Variants in LNX2 observed in about 807,000 individuals in gnomAD.
The protein encoded by LNX2 is ligand of Numb protein X 2.
Under a neutral mutation model 66.2 loss-of-function variants are expected in LNX2, and 35 were observed. The ratio of observed to expected loss-of-function variants is 0.53; its 90% confidence interval spans 0.40 to 0.70. The LOEUF is 0.70. Among genes scored for constraint, LNX2 ranks in the 30% least tolerant of loss-of-function variants. The probability of loss-of-function intolerance (pLI) is 0.00; values close to 1 mark genes in which losing one functional copy is unlikely to be tolerated. For missense variants in LNX2, 791 were observed against 850.8 expected (o/e 0.93, Z 0.87); for synonymous variants, 337 against 315.6 (o/e 1.07, Z -0.72).
intron 6 of LNX2, 102 bp downstream of exon 6, chr13:27,559,740 T>C: frequency 3.5e-6 from 4 of 1,159,044 alleles, no homozygotes; most frequent in Non-Finnish European, 4.7e-6. Flanking sequence ...AAAACTGCTT[T>C]ATTGAGGTGT....
At chr13:27,576,628 G>C (rs1021529118) in intron 2 of LNX2, among the ~76,000 whole-genome samples, 1 of 151,898 alleles carries the variant, frequency 6.6e-6, no homozygotes, top group South Asian at 2.1e-4. Context: ...CGGATGCTGA[G>C]GCACAAGAGT....
intron 2 of LNX2, among the ~76,000 whole-genome samples, chr13:27,577,474 T>C (rs978563339): frequency 6.6e-6 from 1 of 152,142 alleles, no homozygotes; most frequent in Admixed American, 6.5e-5. Flanking sequence ...TTGGCTTCCC[T>C]GGGCCACACG....
At chr13:27,553,984 G>A (rs1202052032) in intron 7 of LNX2, among the ~76,000 whole-genome samples, 3 of 152,132 alleles carry the variant, frequency 2.0e-5, no homozygotes, top group Non-Finnish European at 4.4e-5. Flanking sequence ...TGTCTTCCCT[G>A]TTTCAGGAAG....
intron 6 of LNX2, among the ~76,000 whole-genome samples, chr13:27,558,021 A>G (rs1358431874): frequency 3.3e-5 from 5 of 152,094 alleles, no homozygotes; most frequent in African/African-American, 1.2e-4. Context: ...ATTTTTACCC[A>G]GGAACCCAAC....
intron 1 of LNX2, among the ~76,000 whole-genome samples, chr13:27,607,291 G>A (rs937540636): frequency 6.6e-6 from 1 of 152,096 alleles, no homozygotes. Context: ...AATCTACTAT[G>A]GCATTCCTGG....
intron 6 of LNX2, among the ~76,000 whole-genome samples, chr13:27,559,563 C>T (rs976991613): frequency 5.9e-5 from 9 of 152,130 alleles, no homozygotes; most frequent in African/African-American, 2.2e-4. Context: ...AGATTTCACG[C>T]TTCTTGTTAA....
At chr13:27,583,227 T>C (rs1375444941) in intron 1 of LNX2, among the ~76,000 whole-genome samples, 2,735 of 19,114 alleles carry the variant, frequency 0.14, 709 homozygotes, top group African/African-American at 0.37. Flanking sequence ...TGTGTGTGTG[T>C]GTGTGTGTGT....
chr13:27,598,811 G>GTA (rs934659820), intron 1 of LNX2, among the ~76,000 whole-genome samples: 12 of 151,960 alleles, frequency 7.9e-5, no homozygotes, highest in African/African-American at 2.9e-4. Context: ...CACATATACA[G>GTA]TATATATATA....
chr13:27,591,607 C>A (rs1252785177), intron 1 of LNX2, among the ~76,000 whole-genome samples: 1 of 152,176 alleles, frequency 6.6e-6, no homozygotes, highest in African/African-American at 2.4e-5. Context: ...CCTGTCTGTT[C>A]GTCCATCCAT....
Position 27,581,775 on chromosome 13 carries a change from G to A in LNX2, c.-72C>T. ...TTGGTTTCCTTTAACAGACAGTGAT[G>A]TATCTGACTAAAGTCAAGGTGTGTT... On this transcript the variant is annotated 5_prime_UTR_variant, in exon 2 of 10. Coordinates refer to ENST00000316334, the MANE Select transcript of LNX2 (RefSeq NM_153371.4). 7.7e-7 allele frequency: 1 copy of A among 1,302,258 alleles called. No individual in the cohort carries two copies. The allele number at this position is 1,302,258 out of a possible 1,614,324, so 80.7% of individuals were successfully genotyped here. A position where few individuals can be genotyped will look rare whatever the true frequency, so the allele number is the denominator to read the frequency against.
At chr13:27,581,858 G>A (rs1477647198) in intron 1 of LNX2, 55 bp from the exon 2 acceptor site, 6 of 497,764 alleles carry the variant, frequency 1.2e-5, no homozygotes, top group African/African-American at 7.9e-5. Flanking sequence ...ATCAAGATAG[G>A]TTAAAAGTAT....
intron 9 of LNX2, 129 bp downstream of exon 9, chr13:27,550,204 C>T: frequency 2.8e-6 from 2 of 715,466 alleles, no homozygotes; most frequent in South Asian, 2.1e-5. Context: ...GTAAGTGTAG[C>T]TGCACTGCAA....
chr13:27,548,137 C>CTGT lies in LNX2; in HGVS notation c.*195_*197dup. On this transcript the variant is annotated 3_prime_UTR_variant, in exon 10 of 10. Transcript: ENST00000316334. Reference sequence around the variant, plus strand: ...TAAACTCACAAAGGTTAGTGGAAGACTGTTTCCAAGCTAAAAGAAATGTAA... The same window carrying CTGT: ...TAAACTCACAAAGGTTAGTGGAAGACTGTTGTTTCCAAGCTAAAAGAAATGTAA... 1 of 547,320 alleles carries CTGT rather than the reference C, an allele frequency of 1.8e-6. No individual in the cohort carries two copies. The highest frequency in any genetic ancestry group is 3.2e-6 in the Non-Finnish European group (1 of 310,706). 33.9% of individuals were successfully genotyped at this position (547,320 alleles called of 1,614,324 possible).
chr13:27,581,749 C>G lies in LNX2; in HGVS notation c.-46G>C, dbSNP rs763060035. On this transcript the variant is annotated 5_prime_UTR_variant, in exon 2 of 10. Transcript: ENST00000316334. ...TCATGTGTTAGACTTCCACTTCACG[C>G]TTGGTTTCCTTTAACAGACAGTGAT... 1 of 1,506,786 alleles carries G rather than the reference C, an allele frequency of 6.6e-7. No individual in the cohort carries two copies. Among genetic ancestry groups the G allele is most frequent in the East Asian group, 2.3e-5 (1 of 43,860 alleles). The allele number at this position is 1,506,786 out of a possible 1,614,324, so 93.3% of individuals were successfully genotyped here.
chr13:27,565,154 G>A (rs1955189262), intron 4 of LNX2, among the ~76,000 whole-genome samples: 1 of 152,080 alleles, frequency 6.6e-6, no homozygotes, highest in Admixed American at 6.6e-5. Context: ...CCAAAAATAT[G>A]GTTGATAATT....
chr13:27,577,043 G>A (rs1955347589), intron 2 of LNX2, among the ~76,000 whole-genome samples: 1 of 152,138 alleles, frequency 6.6e-6, no homozygotes, highest in African/African-American at 2.4e-5. Context: ...TCATATATCT[G>A]GTAAGGGTCT....
chr13:27,584,589 G>A (rs1413513732), intron 1 of LNX2, among the ~76,000 whole-genome samples: 1 of 152,120 alleles, frequency 6.6e-6, no homozygotes, highest in Admixed American at 6.5e-5. Context: ...GGGAGGCTGA[G>A]GCAGGAGGAC....
intron 2 of LNX2, among the ~76,000 whole-genome samples, chr13:27,577,005 T>C (rs951028205): frequency 6.6e-6 from 1 of 152,094 alleles, no homozygotes; most frequent in African/African-American, 2.4e-5. Flanking sequence ...AAAAGACAAC[T>C]GACAGAATGG....
chr13:27,579,416 T>A (rs1029124937), intron 2 of LNX2, among the ~76,000 whole-genome samples: 3 of 152,204 alleles, frequency 2.0e-5, no homozygotes, highest in Admixed American at 1.3e-4. Context: ...GTTACAGGCC[T>A]AAGATACTTT....
Sources: gnomAD v4.1 joint callset for allele counts (sites outside exome capture counted in the v4.1 genomes callset) on GRCh38, gnomAD v4.1.1 for gene constraint, MANE v1.5 for transcripts, NCBI Gene and HGNC (gene_info 2026-07-23, HGNC 2026-07-21) for gene names.